Variants in EFCAB5 observed in about 807,000 individuals in gnomAD.
The protein encoded by EFCAB5 is EF-hand calcium-binding domain-containing protein 5.
EFCAB5 carries 131 observed loss-of-function variants against 167.9 expected under a neutral mutation model. That is an observed-to-expected ratio of 0.78 (90% CI 0.68 to 0.90). The LOEUF (loss-of-function observed/expected upper bound fraction) is 0.90, where lower values mean the gene tolerates loss of function less well. Ranked by LOEUF, EFCAB5 falls within the 40% of genes least tolerant of loss-of-function variation. The pLI is 0.00. For synonymous variants in EFCAB5, 574 were observed against 602.8 expected, an observed-to-expected ratio of 0.95 and a Z score of 0.70; for missense variants, 1,663 against 1,745.2, an observed-to-expected ratio of 0.95 and a Z score of 0.84.
At chr17:29,946,804 G>GTATC (rs745483049) in intron 3 of EFCAB5, among the ~76,000 whole-genome samples, 1 of 152,054 alleles carries the variant, frequency 6.6e-6, no homozygotes, top group Non-Finnish European at 1.5e-5. Flanking sequence ...CCACTACTGG[G>GTATC]TATCTACCCA....
chr17:30,033,844 A>G (rs1226920668), intron 7 of EFCAB5, among the ~76,000 whole-genome samples: 2 of 152,204 alleles, frequency 1.3e-5, no homozygotes, highest in Admixed American at 6.5e-5. Context: ...TGCAATACAC[A>G]TGCTTTTATA....
At chr17:30,079,787 T>G (rs2070945512) in intron 15 of EFCAB5, among the ~76,000 whole-genome samples, 1 of 152,178 alleles carries the variant, frequency 6.6e-6, no homozygotes, top group South Asian at 2.1e-4. Context: ...GTTTTAAACC[T>G]CTAAATTTGA....
At position 30,039,654 on chromosome 17, in the gene EFCAB5, C is replaced by T. The variant is rs540358678; in HGVS notation, c.1200+5269C>T. 7.9e-5 allele frequency among the ~76,000 whole-genome samples: 12 copies of T among 152,300 alleles called. No homozygotes were observed. In the East Asian group the frequency reaches 1.9e-3, roughly 24 times the overall value. On this transcript the variant is annotated intron_variant, in intron 8 of 22. Coordinates refer to ENST00000394835, the MANE Select transcript of EFCAB5 (RefSeq NM_198529.4). ...GCTGGACCTCCGAGGAGGGATGTGC[C>T]GACTTAAAGCCATACCTCCACCTTA...
At chr17:30,012,771 T>C (rs1487912693) in intron 7 of EFCAB5, among the ~76,000 whole-genome samples, 1 of 152,220 alleles carries the variant, frequency 6.6e-6, no homozygotes, top group Non-Finnish European at 1.5e-5. Flanking sequence ...CCTGTGGGAC[T>C]GGTCCCTACA....
chr17:30,016,676 G>C, intron 7 of EFCAB5, among the ~76,000 whole-genome samples: 1 of 151,996 alleles, frequency 6.6e-6, no homozygotes, highest in East Asian at 1.9e-4. Flanking sequence ...TTCTTATTAT[G>C]TAATACAATT....
chr17:30,055,861 A>G (rs756796736), intron 10 of EFCAB5, 27 bp from the exon 11 acceptor site: 2 of 1,605,664 alleles, frequency 1.2e-6, no homozygotes, highest in Non-Finnish European at 1.7e-6. Flanking sequence ...TGTCTAATTC[A>G]TAAGCATTTT....
At chr17:29,933,152 C>T (rs1448129550) in intron 1 of EFCAB5, among the ~76,000 whole-genome samples, 4 of 152,248 alleles carry the variant, frequency 2.6e-5, no homozygotes, top group South Asian at 4.1e-4. Flanking sequence ...ATAATTAGAG[C>T]GTAGCTTAGT....
Position 30,107,836 on chromosome 17 carries a change from C to A in EFCAB5, c.4324C>A (p.His1442Asn). 1 of 1,549,174 alleles carries A rather than the reference C, an allele frequency of 6.5e-7. No individual in the cohort carries two copies. Among genetic ancestry groups the A allele is most frequent in the Admixed American group, 2.2e-5 (1 of 45,004 alleles). Residue 1442 changes from histidine to asparagine, a missense_variant and splice_region_variant, in exon 23 of 23, where the codon CAT (histidine) becomes AAT (asparagine). His to Asn is a moderately conservative substitution (Grantham distance 68). Transcript: ENST00000394835. Reference sequence around the variant, plus strand: ...TTTCTTTTTTTTTCCTGATGCAGATCATTCCCGAACTGAAGTATGGAAATT... The same window carrying A: ...TTTCTTTTTTTTTCCTGATGCAGATAATTCCCGAACTGAAGTATGGAAATT... ...VQLIDEYIRD[H>N]SRTEVWKFGN... is the part of the protein sequence containing the mutation.
intron 6 of EFCAB5, among the ~76,000 whole-genome samples, chr17:29,997,804 T>C (rs2068578800): frequency 6.6e-6 from 1 of 152,100 alleles, no homozygotes; most frequent in South Asian, 2.1e-4. Context: ...CTCATCACTG[T>C]GGCAATAAAA....
At chr17:30,094,164 G>A (rs1009008461) in intron 22 of EFCAB5, among the ~76,000 whole-genome samples, 5 of 152,040 alleles carry the variant, frequency 3.3e-5, no homozygotes, top group Non-Finnish European at 7.4e-5. Flanking sequence ...AATTAGGACT[G>A]GTAATGTGTC....
intron 14 of EFCAB5, chr17:30,069,378 A>G: frequency 6.4e-7 from 1 of 1,558,708 alleles, no homozygotes; most frequent in Non-Finnish European, 8.8e-7. Flanking sequence ...AGCTTGTTTG[A>G]TGAAGTGAGG....
chr17:30,079,211 G>A (rs959195396), intron 15 of EFCAB5, among the ~76,000 whole-genome samples: 1 of 152,124 alleles, frequency 6.6e-6, no homozygotes, highest in Admixed American at 6.5e-5. Flanking sequence ...CAGTGTAGTT[G>A]GAAATGGGGC....
chr17:30,058,876 A>AAAC (rs958486109), intron 13 of EFCAB5, among the ~76,000 whole-genome samples: 5 of 152,070 alleles, frequency 3.3e-5, no homozygotes, highest in African/African-American at 1.2e-4. Flanking sequence ...CTCTAAATAA[A>AAAC]AATAATAATA....
chr17:29,985,638 T>TCC (rs2068265434), intron 4 of EFCAB5, among the ~76,000 whole-genome samples: 1 of 152,226 alleles, frequency 6.6e-6, no homozygotes, highest in Non-Finnish European at 1.5e-5. Context: ...AGGGATGGAC[T>TCC]CTGGCTAGTT....
intron 3 of EFCAB5, among the ~76,000 whole-genome samples, chr17:29,956,194 A>G (rs2151547923): frequency 6.6e-6 from 1 of 152,382 alleles, no homozygotes. Flanking sequence ...GAATAAATAA[A>G]TTGTAATATA....
intron 18 of EFCAB5, among the ~76,000 whole-genome samples, chr17:30,084,972 A>C (rs1352603568): frequency 6.6e-6 from 1 of 151,964 alleles, no homozygotes; most frequent in African/African-American, 2.4e-5. Flanking sequence ...GGTTCTGGTC[A>C]TTGCTTCCCC....
intron 14 of EFCAB5, 39 bp from the exon 15 acceptor site, chr17:30,078,176 C>G (rs770713775): frequency 5.8e-6 from 9 of 1,562,140 alleles, no homozygotes; most frequent in African/African-American, 1.4e-5. Context: ...AATGAGTGAA[C>G]TTTTGGTTAG....
intron 14 of EFCAB5, among the ~76,000 whole-genome samples, chr17:30,066,806 TA>T (rs1192258415): frequency 1.3e-5 from 2 of 151,378 alleles, no homozygotes; most frequent in African/African-American, 4.9e-5. Flanking sequence ...CCCAAATGAA[TA>T]AAATTAGAAA....
Position 30,015,759 on chromosome 17 carries a change from CTTT to C in EFCAB5, c.1044+15798_1044+15800del, listed in dbSNP as rs71138866. Among the ~76,000 whole-genome samples the C allele has an allele frequency of 8.4e-5, 11 of 130,546 alleles. No homozygotes were observed. The East Asian group carries it at 1.1e-3, about 13-fold the overall frequency. The allele number at this position is 130,546 out of a possible 152,430, so 85.6% of individuals were successfully genotyped here. A position where few individuals can be genotyped will look rare whatever the true frequency, so the allele number is the denominator to read the frequency against. ...TTCTTATTGTTCTTATTGGTTATTT[CTTT>C]TTTTTTTTTTTTTTCTTTTGAGGTG... On this transcript the variant is annotated intron_variant, in intron 7 of 22. Coordinates refer to ENST00000394835, the MANE Select transcript of EFCAB5 (RefSeq NM_198529.4).
Sources: allele counts gnomAD v4.1 joint callset (sites outside exome capture counted in the v4.1 genomes callset), GRCh38; gene constraint gnomAD v4.1.1; transcripts MANE v1.5; gene names NCBI Gene and HGNC (gene_info 2026-07-23, HGNC 2026-07-21).